The following NYX variants were observed in gnomAD, a reference collection of about 807,000 sequenced individuals.
The protein encoded by NYX is leucine-rich repeat protein.
For missense variants in NYX, 481 were observed against 485.4 expected, an observed-to-expected ratio of 0.99 and a Z score of 0.09; for synonymous variants, 258 against 245.7, an observed-to-expected ratio of 1.05 and a Z score of -0.47.
At chrX:41,470,853 G>A (rs2064356857) in intron 2 of NYX, among the ~76,000 whole-genome samples, 1 of 110,566 alleles carries the variant, frequency 9.0e-6, no homozygotes, top group African/African-American at 3.3e-5. Context: ...ATTGGGCAGC[G>A]CAGATCTAGG....
rs1363625918 is a variant in NYX, at chrX:41,474,892, T to G, written c.1424T>G (p.Met475Arg). ...CAGCACGTGGTGTTTGGCCTGCAGA[T>G]GGACTGACCTGGCCAGAGGGGGGAA... is the stretch of plus-strand genomic sequence containing the variant. ...VAQHVVFGLQ[M>R]D The change falls in exon 3 of 3, where the codon ATG becomes AGG. Residue 475 changes from methionine to arginine, a missense_variant. Coordinates refer to ENST00000378220, the MANE Select transcript of NYX (RefSeq NM_001378477.3). 6 of 1,197,277 alleles carry G rather than the reference T, an allele frequency of 5.0e-6. No homozygotes were observed. Among genetic ancestry groups the G allele is most frequent in the Non-Finnish European group, 6.8e-6 (6 of 888,035 alleles).
At chrX:41,468,656 G>A (rs763998136) in intron 2 of NYX, among the ~76,000 whole-genome samples, 72 of 111,937 alleles carry the variant, frequency 6.4e-4, no homozygotes, top group African/African-American at 2.2e-3. Context: ...TTCTACAAAC[G>A]TTTATTGAGC....
chrX:41,450,847 T>A (rs113312611), intron 2 of NYX, among the ~76,000 whole-genome samples: 9 of 84,890 alleles, frequency 1.1e-4, no homozygotes, highest in African/African-American at 2.8e-4. Flanking sequence ...TTTTTTTTTT[T>A]TTTTTTTTGG....
intron 2 of NYX, among the ~76,000 whole-genome samples, chrX:41,457,435 C>T (rs760130095): frequency 1.8e-5 from 2 of 110,999 alleles, no homozygotes; most frequent in Non-Finnish European, 3.8e-5. Context: ...CTGCCTTGCT[C>T]TTGGATTTGC....
chrX:41,455,358 C>T (rs896196829), intron 2 of NYX, among the ~76,000 whole-genome samples: 4 of 108,877 alleles, frequency 3.7e-5, no homozygotes, highest in Non-Finnish European at 5.7e-5. Context: ...CTGCCTGCCT[C>T]GGCCTCCCAA....
At chrX:41,470,957 G>A (rs966721232) in intron 2 of NYX, among the ~76,000 whole-genome samples, 2 of 110,797 alleles carry the variant, frequency 1.8e-5, no homozygotes, top group Non-Finnish European at 3.8e-5. Flanking sequence ...CCAAACTGAG[G>A]GTGGGGCTGC....
At chrX:41,466,787 CTTTTT>C (rs747247175) in intron 2 of NYX, among the ~76,000 whole-genome samples, 2 of 20,498 alleles carry the variant, frequency 9.8e-5, no homozygotes, top group Non-Finnish European at 1.6e-4. Context: ...CCAGACTGGT[CTTTTT>C]TTTTTTTTTT....
rs1365153495 is a variant in NYX at position 41,474,413 on chromosome X, C to T, written c.945C>T (p.Val315=). ...ACCGCCTCACCGTGCTCGCCTGGGT[C>T]GCCTTCCAGCCCGGCTTCTTCCTGG... ...NGNRLTVLAW[V]AFQPGFFLGR... is the part of the protein sequence containing the mutation. Residue 315 remains valine (V), a synonymous_variant, in exon 3 of 3, where the codon GTC becomes GTT. Coordinates refer to ENST00000378220, the MANE Select transcript of NYX (RefSeq NM_001378477.3). 1 of 1,208,011 alleles carries T rather than the reference C, an allele frequency of 8.3e-7. No homozygotes were observed. The highest frequency in any genetic ancestry group is 1.1e-6 in the Non-Finnish European group (1 of 895,460).
intron 2 of NYX, among the ~76,000 whole-genome samples, chrX:41,471,562 T>C (rs1039560767): frequency 8.9e-6 from 1 of 112,082 alleles, no homozygotes; most frequent in Non-Finnish European, 1.9e-5. Context: ...TCTAGATGGG[T>C]CCAGGTGCTG....
intron 2 of NYX, among the ~76,000 whole-genome samples, chrX:41,459,069 C>T (rs898372892): frequency 9.1e-6 from 1 of 110,327 alleles, no homozygotes; most frequent in Non-Finnish European, 1.9e-5. Context: ...GGCAACAGAG[C>T]GAGACTCCGT....
In NYX at chrX:41,475,581, G is replaced by T. The variant is rs2064388844; in HGVS notation, c.*682G>T. 1 of 111,314 alleles carries T rather than the reference G, an allele frequency of 9.0e-6. No homozygotes were observed. The highest frequency in any genetic ancestry group is 3.8e-4 in the South Asian group (1 of 2,637). 9.2% of individuals were successfully genotyped at this position (111,314 alleles called of 1,213,427 possible). A position where few individuals can be genotyped will look rare whatever the true frequency, so the allele number is the denominator to read the frequency against. On this transcript the variant is annotated 3_prime_UTR_variant, in exon 3 of 3. Transcript: ENST00000378220. ...GGTAGGGAAAAAAGGGGCAGCAGGG[G>T]GTGTGTTTGTGGACAAATAAATTTG...
Position 41,474,793 on chromosome X carries a change from C to T in NYX, c.1325C>T (p.Ser442Phe). Residue 442 changes from serine to phenylalanine, a missense_variant, in exon 3 of 3, where the codon TCC becomes TTC. Physicochemically the swap from Ser to Phe is radical, Grantham distance 155. Coordinates refer to ENST00000378220, the MANE Select transcript of NYX (RefSeq NM_001378477.3). ...LANASLSDSL[S>F]SRGVGGAGRQ... ...AACGCCTCCCTGTCCGACAGCCTCTCCTCCCGTGGGGTGGGAGGCGCGGGC... is the reference window on the plus strand; with the variant it reads ...AACGCCTCCCTGTCCGACAGCCTCTTCTCCCGTGGGGTGGGAGGCGCGGGC... The T allele has an allele frequency of 8.3e-7, 1 of 1,201,121 alleles. No homozygotes were observed. Among genetic ancestry groups the T allele is most frequent in the East Asian group, 3.0e-5 (1 of 33,576 alleles).
At chrX:41,462,551 G>A (rs1047382523) in intron 2 of NYX, among the ~76,000 whole-genome samples, 1 of 111,834 alleles carries the variant, frequency 8.9e-6, no homozygotes, top group African/African-American at 3.2e-5. Context: ...CAATTCTGGA[G>A]GCTGGAAGTC....
chrX:41,473,027 A>G (rs908453413), intron 2 of NYX, among the ~76,000 whole-genome samples: 1 of 111,681 alleles, frequency 9.0e-6, no homozygotes, highest in Non-Finnish European at 1.9e-5. Flanking sequence ...TGAACTCCTG[A>G]GCTCAGGTGA....
Position 41,447,489 on chromosome X carries a change from G to C in NYX, c.-84G>C. 1 of 176,220 alleles carries C rather than the reference G, an allele frequency of 5.7e-6. No homozygotes were observed. Among genetic ancestry groups the C allele is most frequent in the Non-Finnish European group, 1.1e-5 (1 of 91,976 alleles). 14.5% of individuals were successfully genotyped at this position (176,220 alleles called of 1,213,427 possible). A position where few individuals can be genotyped will look rare whatever the true frequency, so the allele number is the denominator to read the frequency against. On this transcript the variant is annotated 5_prime_UTR_variant, in exon 1 of 3. Coordinates refer to ENST00000378220, the MANE Select transcript of NYX (RefSeq NM_001378477.3). The stretch of plus-strand genomic sequence containing the variant: ...GAGGGAGTGGAGGGGGACCTCAGAG[G>C]AGCAGGACCAGGGAGACTCCCAGGA...
At position 41,473,339 on chromosome X, in the gene NYX, G is replaced by A. The variant is rs1199700492; in HGVS notation, c.23-152G>A. On this transcript the variant is annotated intron_variant, in intron 2 of 2. Transcript: ENST00000378220. ...GTGTGAGGCCGCGGAGGTGGGAAGA[G>A]GCCATGTGCCTGACACAAGATAACT... 4 of 627,323 alleles carry A rather than the reference G, an allele frequency of 6.4e-6. No homozygotes were observed. The South Asian group carries it at 3.5e-4, about 55-fold the overall frequency. The allele number at this position is 627,323 out of a possible 1,213,427, so 51.7% of individuals were successfully genotyped here. A position where few individuals can be genotyped will look rare whatever the true frequency, so the allele number is the denominator to read the frequency against.
At chrX:41,470,118 A>C (rs1660085467) in intron 2 of NYX, among the ~76,000 whole-genome samples, 1 of 108,664 alleles carries the variant, frequency 9.2e-6, no homozygotes, top group African/African-American at 3.3e-5. Flanking sequence ...TGTTACAGAA[A>C]AAAAAAATTG....
chrX:41,459,866 T>C (rs1460946576), intron 2 of NYX, among the ~76,000 whole-genome samples: 3 of 103,546 alleles, frequency 2.9e-5, no homozygotes, highest in Non-Finnish European at 5.8e-5. Flanking sequence ...TTTGTGGACT[T>C]TTTTTTTTTT....
At position 41,473,813 on chromosome X, in the gene NYX, C is replaced by A; in HGVS notation, c.345C>A (p.Asn115Lys). 1 of 1,115,725 alleles carries A rather than the reference C, an allele frequency of 9.0e-7. No homozygotes were observed. Among genetic ancestry groups the A allele is most frequent in the Non-Finnish European group, 1.2e-6 (1 of 854,134 alleles). 91.9% of individuals were successfully genotyped at this position (1,115,725 alleles called of 1,213,427 possible). Residue 115 changes from asparagine to lysine, a missense_variant, in exon 3 of 3, where the codon AAC becomes AAA. By Grantham distance (94) the Asn-to-Lys change is moderately conservative (BLOSUM62 0). Transcript: ENST00000378220. ...TGGCTGAGCTGCGCCTGGCGCACAA[C>A]GGCGACCTGCGCTACCTGCACGCGC... ...PRLAELRLAH[N>K]GDLRYLHART...
Sources: allele counts gnomAD v4.1 joint callset (sites outside exome capture counted in the v4.1 genomes callset), GRCh38; gene constraint gnomAD v4.1.1; transcripts MANE v1.5; gene names NCBI Gene and HGNC (gene_info 2026-07-23, HGNC 2026-07-21).